The following FBXO15 variants were observed in gnomAD, a reference collection of about 807,000 sequenced individuals.
FBXO15 encodes the protein F-box protein 15, also known as F-box only protein 15.
Under a neutral mutation model 49.5 loss-of-function variants are expected in FBXO15, and 30 were observed. That is an observed-to-expected ratio of 0.61 (90% CI 0.45 to 0.82). The LOEUF (loss-of-function observed/expected upper bound fraction) is 0.82, where lower values mean the gene tolerates loss of function less well. FBXO15 is among the 40% of genes least tolerant of loss of function. The pLI is 0.00. For synonymous variants in FBXO15, 250 were observed against 232.7 expected (o/e 1.07, Z -0.68); for missense variants, 591 against 631.5 (o/e 0.94, Z 0.69).
intron 8 of FBXO15, among the ~76,000 whole-genome samples, chr18:74,114,409 G>T (rs1914145391): frequency 1.3e-5 from 2 of 152,150 alleles, no homozygotes; most frequent in South Asian, 4.2e-4. Flanking sequence ...TCCTTTCACT[G>T]TCATAAATCT....
At chr18:74,114,647 C>T (rs190542164) in intron 8 of FBXO15, among the ~76,000 whole-genome samples, 85 of 152,242 alleles carry the variant, frequency 5.6e-4, no homozygotes, top group African/African-American at 2.0e-3. Flanking sequence ...CTCATAAATC[C>T]AATTCAGATA....
intron 5 of FBXO15, among the ~76,000 whole-genome samples, chr18:74,126,675 A>G (rs1175484600): frequency 6.6e-6 from 1 of 152,250 alleles, no homozygotes; most frequent in Non-Finnish European, 1.5e-5. Flanking sequence ...ATTAGACTGA[A>G]ATCCCTGAGG....
At chr18:74,135,966 G>A (rs1031941574) in intron 2 of FBXO15, 100 bp from the exon 3 acceptor site, 66 of 883,050 alleles carry the variant, frequency 7.5e-5, no homozygotes, top group Non-Finnish European at 1.1e-4. Context: ...CTAAATAGAA[G>A]GCCGTAGAGA....
At chr18:74,123,034 A>G (rs547589030) in intron 8 of FBXO15, 45 of 202,108 alleles carry the variant, frequency 2.2e-4, no homozygotes, top group Non-Finnish European at 4.0e-5. Context: ...TGGCAAATTT[A>G]CCACATTCCT....
intron 8 of FBXO15, among the ~76,000 whole-genome samples, chr18:74,093,268 G>GC (rs201786229): frequency 4.2e-5 from 6 of 142,272 alleles, no homozygotes; most frequent in African/African-American, 7.4e-5. Context: ...AACAATGGGG[G>GC]GGGGGTGGCT....
chr18:74,119,192 A>G (rs538318547), intron 8 of FBXO15, among the ~76,000 whole-genome samples: 6 of 152,348 alleles, frequency 3.9e-5, no homozygotes, highest in Non-Finnish European at 8.8e-5. Flanking sequence ...TTTCCTCTAG[A>G]GGCAACAGAG....
intron 2 of FBXO15, among the ~76,000 whole-genome samples, chr18:74,138,849 A>G (rs1353249927): frequency 6.6e-6 from 1 of 152,140 alleles, no homozygotes; most frequent in Non-Finnish European, 1.5e-5. Flanking sequence ...TAATTCATAA[A>G]TGAATCATGT....
intron 1 of FBXO15, among the ~76,000 whole-genome samples, chr18:74,146,782 G>A (rs938146394): frequency 4.6e-5 from 7 of 151,860 alleles, no homozygotes; most frequent in African/African-American, 1.7e-4. Flanking sequence ...GATTCAGGGG[G>A]AAAAAACAAG....
chr18:74,107,230 T>C (rs1913810371), intron 8 of FBXO15, among the ~76,000 whole-genome samples: 1 of 150,230 alleles, frequency 6.7e-6, no homozygotes, highest in South Asian at 2.1e-4. Flanking sequence ...TCATTTGTAA[T>C]AATATGGATG....
At chr18:74,142,372 A>G (rs1979133573) in intron 1 of FBXO15, among the ~76,000 whole-genome samples, 1 of 152,250 alleles carries the variant, frequency 6.6e-6, no homozygotes, top group South Asian at 2.1e-4. Context: ...CTAACATAGT[A>G]ATCATAAGTA....
chr18:74,122,624 T>C (rs1311221490), intron 8 of FBXO15: 1 of 152,242 alleles, frequency 6.6e-6, no homozygotes, highest in African/African-American at 2.4e-5. Flanking sequence ...AATGAAGATA[T>C]CTAGTGGTCA....
In FBXO15 at chr18:74,142,545, T is replaced by C. The variant is rs531259695; in HGVS notation, c.117-2233A>G. Among the ~76,000 whole-genome samples the C allele has an allele frequency of 2.6e-4, 39 of 152,296 alleles. No individual in the cohort carries two copies. In the South Asian group the frequency reaches 6.2e-3, roughly 24 times the overall value. The stretch of plus-strand genomic sequence containing the variant: ...AGGCTCTAGAGAGGATCATTCCTTT[T>C]TCTGGTGGTTGCCAGAAATCCTTGG... On this transcript the variant is annotated intron_variant, in intron 1 of 9. Coordinates refer to ENST00000419743, the MANE Select transcript of FBXO15 (RefSeq NM_001142958.2).
rs1439323941 is a variant in FBXO15, at chr18:74,125,975, C to T, written c.912G>A (p.Lys304=). The T allele has an allele frequency of 1.2e-6, 2 of 1,613,756 alleles. No individual in the cohort carries two copies. The highest frequency in any genetic ancestry group is 2.2e-5 in the East Asian group (1 of 44,890). The change falls in exon 6 of 10, where the codon AAG becomes AAA. Residue 304 remains lysine (K), a splice_region_variant and synonymous_variant. Coordinates refer to ENST00000419743, the MANE Select transcript of FBXO15 (RefSeq NM_001142958.2). ...LHPGLLVGVW[K]KEEELAFVMA... is the part of the protein sequence containing the mutation. ...GTACATACAGGGACTCAAGTCTTAC[C>T]TTCCACACTCCCACCAGGAGGCCAG...
At chr18:74,077,530 C>A (rs2145096410) in intron 9 of FBXO15, among the ~76,000 whole-genome samples, 1 of 152,316 alleles carries the variant, frequency 6.6e-6, no homozygotes, top group East Asian at 1.9e-4. Flanking sequence ...CCTGGAACAG[C>A]AGCGACCAGC....
At chr18:74,108,997 G>A (rs1913892519) in intron 8 of FBXO15, among the ~76,000 whole-genome samples, 1 of 152,110 alleles carries the variant, frequency 6.6e-6, no homozygotes, top group Non-Finnish European at 1.5e-5. Context: ...GGAAATAAAG[G>A]TTTTCTTAGA....
intron 1 of FBXO15, among the ~76,000 whole-genome samples, chr18:74,143,106 C>T (rs912256070): frequency 1.3e-5 from 2 of 152,094 alleles, no homozygotes; most frequent in African/African-American, 2.4e-5. Flanking sequence ...TACCTAGAAT[C>T]GGAGTCCACA....
At chr18:74,102,163 T>C (rs530695733) in intron 8 of FBXO15, among the ~76,000 whole-genome samples, 4 of 152,060 alleles carry the variant, frequency 2.6e-5, no homozygotes, top group Admixed American at 6.6e-5. Context: ...GAACAGTTAG[T>C]AAACAGACAA....
chr18:74,146,151 G>A (rs2145238843), intron 1 of FBXO15, among the ~76,000 whole-genome samples: 3 of 152,162 alleles, frequency 2.0e-5, no homozygotes, highest in Middle Eastern at 6.8e-3. Context: ...ATTACAGCAG[G>A]TACAAATTAA....
intron 9 of FBXO15, among the ~76,000 whole-genome samples, chr18:74,081,454 C>T (rs1912492824): frequency 6.6e-6 from 1 of 152,194 alleles, no homozygotes; most frequent in African/African-American, 2.4e-5. Context: ...ACTCTCCCAC[C>T]CATGTGGCTA....
Sources: allele counts gnomAD v4.1 joint callset (sites outside exome capture counted in the v4.1 genomes callset), GRCh38; gene constraint gnomAD v4.1.1; transcripts MANE v1.5; gene names NCBI Gene and HGNC (gene_info 2026-07-23, HGNC 2026-07-21).